Variants in CEACAM19 observed in about 807,000 individuals in gnomAD.
CEACAM19 encodes cell adhesion molecule CEACAM19.
A neutral mutation model predicts 37.6 loss-of-function variants in CEACAM19; 37 were observed. That is an observed-to-expected ratio of 0.98 (90% CI 0.76 to 1.29). The LOEUF is 1.29. CEACAM19 is among the 50% of genes most tolerant of loss of function. The pLI is 0.00. For synonymous variants in CEACAM19, 140 were observed against 149.8 expected, an observed-to-expected ratio of 0.93 and a Z score of 0.48; for missense variants, 340 against 375.6, an observed-to-expected ratio of 0.91 and a Z score of 0.78.
intron 2 of CEACAM19, among the ~76,000 whole-genome samples, chr19:44,674,482 C>T (rs2122130919): frequency 6.6e-6 from 1 of 151,874 alleles, no homozygotes. Context: ...CTCACTGTAA[C>T]CTCCACCTCC....
chr19:44,680,467 G>A, intron 5 of CEACAM19, 133 bp downstream of exon 5: 1 of 783,840 alleles, frequency 1.3e-6, no homozygotes, highest in Admixed American at 2.3e-5. Context: ...CCTCTCTGGG[G>A]CCCCCTGAAC....
chr19:44,668,461 AAT>A (rs1432660737), upstream of CEACAM19, among the ~76,000 whole-genome samples: 1,608 of 65,990 alleles, frequency 0.024, 94 homozygotes, highest in African/African-American at 0.086. Context: ...TATAATATAT[AAT>A]ATATATAATA....
upstream of CEACAM19, among the ~76,000 whole-genome samples, chr19:44,671,134 T>C (rs1973848660): frequency 6.6e-6 from 1 of 152,020 alleles, no homozygotes; most frequent in South Asian, 2.1e-4. Context: ...GCTTTTTTTT[T>C]TTTTTGAGAC....
rs755793782 is a variant in CEACAM19 at position 44,672,871 on chromosome 19, C to T, written c.331C>T (p.Arg111Cys). 9.4e-6 allele frequency: 15 copies of T among 1,592,622 alleles called. No homozygotes were observed. Among genetic ancestry groups the T allele is most frequent in the Middle Eastern group, 1.7e-4 (1 of 5,992 alleles). Residue 111 changes from arginine (R) to cysteine (C), a missense_variant, in exon 2 of 8, where the codon CGC becomes TGC. Arg to Cys is a radical substitution (Grantham distance 180, BLOSUM62 -3). Transcript: ENST00000358777. ...CCCCAATGGTTCCATGCTGCTGCGCCGCGCCCAGCCTACAGACAGTGGCAC... is the reference window on the plus strand; with the variant it reads ...CCCCAATGGTTCCATGCTGCTGCGCTGCGCCCAGCCTACAGACAGTGGCAC... ...GFPNGSMLLR[R>C]AQPTDSGTYQ...
upstream of CEACAM19, among the ~76,000 whole-genome samples, chr19:44,668,466 ATATAATATAAT>A (rs1358797444): frequency 1.5e-5 from 1 of 66,568 alleles, no homozygotes; most frequent in African/African-American, 6.4e-5. Flanking sequence ...TATATAATAT[ATATAATATAAT>A]ATATATATTA....
chr19:44,672,410 G>A (rs533387730), intron 1 of CEACAM19, 186 bp from the exon 2 acceptor site: 3 of 590,934 alleles, frequency 5.1e-6, no homozygotes, highest in Admixed American at 6.8e-5. Flanking sequence ...TGGCAAATCT[G>A]TGGTAACCAT....
At chr19:44,668,456 TATATAATATATATA>T (rs1304972052), upstream of CEACAM19, among the ~76,000 whole-genome samples, 2 of 64,726 alleles carry the variant, frequency 3.1e-5, no homozygotes, top group African/African-American at 6.9e-5. Flanking sequence ...TATTTTATAA[TATATAATATATATA>T]ATATAATATA....
At chr19:44,670,228 C>T (rs181477162), upstream of CEACAM19, among the ~76,000 whole-genome samples, 345 of 150,540 alleles carry the variant, frequency 2.3e-3, 5 homozygotes, top group East Asian at 0.027. Context: ...GAGGCTGAGA[C>T]GGGAGGATTG....
intron 6 of CEACAM19, among the ~76,000 whole-genome samples, chr19:44,682,122 C>T (rs1466579338): frequency 6.6e-6 from 1 of 151,870 alleles, no homozygotes; most frequent in Non-Finnish European, 1.5e-5. Context: ...TGGTGGTGTG[C>T]ACCTATAGTC....
In CEACAM19 at chr19:44,671,838, A is replaced by T; in HGVS notation, c.-94A>T. ...TCTCTAAGGCACCCCTGGGATCCCC[A>T]CTGAGCTGGCCTACTTCAGACAGCC... On this transcript the variant is annotated 5_prime_UTR_variant, in exon 1 of 8. Transcript: ENST00000358777. 8.9e-7 allele frequency: 1 copy of T among 1,125,576 alleles called. No homozygotes were observed. Among genetic ancestry groups the T allele is most frequent in the Non-Finnish European group, 1.3e-6 (1 of 764,468 alleles). 69.7% of individuals were successfully genotyped at this position (1,125,576 alleles called of 1,614,324 possible).
At chr19:44,678,788 T>C in intron 3 of CEACAM19, 65 bp from the exon 4 acceptor site, 1 of 1,583,300 alleles carries the variant, frequency 6.3e-7, no homozygotes, top group South Asian at 1.1e-5. Context: ...GGGAAGGATG[T>C]TGCTCTCTGA....
intron 5 of CEACAM19, 149 bp downstream of exon 5, chr19:44,680,483 C>A: frequency 1.5e-6 from 1 of 667,112 alleles, no homozygotes; most frequent in Non-Finnish European, 2.6e-6. Flanking sequence ...TGAACTCACC[C>A]ACATAATCTG....
chr19:44,668,735 AATATATAATATAATATAATATAAT>A (rs1568513233), upstream of CEACAM19, among the ~76,000 whole-genome samples: 1 of 101,984 alleles, frequency 9.8e-6, no homozygotes, highest in African/African-American at 4.8e-5. Flanking sequence ...ATATAAATAT[AATATATAATATAATATAATATAAT>A]ATATATAATA....
At position 44,680,342 on chromosome 19, in the gene CEACAM19, G is replaced by T; in HGVS notation, c.706+8G>T. 1 of 1,607,554 alleles carries T rather than the reference G, an allele frequency of 6.2e-7. No individual in the cohort carries two copies. The highest frequency in any genetic ancestry group is 1.1e-5 in the South Asian group (1 of 90,858). On this transcript the variant is annotated splice_region_variant and intron_variant, in intron 5 of 7. Transcript: ENST00000358777. ...GCCCTGCTCATGATGCTGGTAAGGC[G>T]GGAGCCCCAGATCTCACTACCTAGC...
In CEACAM19 at chr19:44,673,023, T is replaced by C. The variant is rs1420399464; in HGVS notation, c.424+59T>C. On this transcript the variant is annotated intron_variant, in intron 2 of 7. Coordinates refer to ENST00000358777, the MANE Select transcript of CEACAM19 (RefSeq NM_001127893.3). The stretch of plus-strand genomic sequence containing the variant: ...GCTAATGAGCCCTGAGCAGCTACCA[T>C]GCACCAGGTGCTGTGCAAACACCAT... The C allele has an allele frequency of 8.1e-6, 11 of 1,354,854 alleles. No homozygotes were observed. In the African/African-American group the frequency reaches 1.6e-4, roughly 20 times the overall value. The allele number at this position is 1,354,854 out of a possible 1,614,324, so 83.9% of individuals were successfully genotyped here. A position where few individuals can be genotyped will look rare whatever the true frequency, so the allele number is the denominator to read the frequency against.
upstream of CEACAM19, among the ~76,000 whole-genome samples, chr19:44,671,078 G>A (rs1328803464): frequency 2.0e-5 from 3 of 151,184 alleles, no homozygotes; most frequent in Non-Finnish European, 4.4e-5. Flanking sequence ...CAACAAGAGC[G>A]AAACTCCATC....
intron 7 of CEACAM19, 195 bp from the exon 8 acceptor site, chr19:44,683,242 C>G (rs1218406452): frequency 2.3e-5 from 11 of 472,796 alleles, no homozygotes; most frequent in Non-Finnish European, 1.2e-5. Flanking sequence ...GTCTCTGTCA[C>G]TGTGTCCACC....
chr19:44,676,356 G>T lies in CEACAM19; in HGVS notation c.510G>T (p.Gly170=). The T allele has an allele frequency of 6.2e-7, 1 of 1,614,062 alleles. No homozygotes were observed. Among genetic ancestry groups the T allele is most frequent in the Middle Eastern group, 1.6e-4 (1 of 6,062 alleles). Reference sequence around the variant, plus strand: ...CCATCATTGGATCTCTTGCTGCCGGGGCCCTTCTCATCAGCTGCATTGCCT... The same window carrying T: ...CCATCATTGGATCTCTTGCTGCCGGTGCCCTTCTCATCAGCTGCATTGCCT... ...AATIIGSLAA[G]ALLISCIAYL... is the part of the protein sequence containing the mutation. The change falls in exon 3 of 8, where the codon GGG becomes GGT. Residue 170 remains glycine, a synonymous_variant. Coordinates refer to ENST00000358777, the MANE Select transcript of CEACAM19 (RefSeq NM_001127893.3).
intron 4 of CEACAM19, among the ~76,000 whole-genome samples, chr19:44,679,606 G>A (rs1270651424): frequency 7.2e-5 from 11 of 152,108 alleles, no homozygotes; most frequent in Non-Finnish European, 1.0e-4. Context: ...AAAATTAGCC[G>A]GGCATGGTGG....
Sources: gnomAD v4.1 joint callset for allele counts (sites outside exome capture counted in the v4.1 genomes callset) on GRCh38, gnomAD v4.1.1 for gene constraint, MANE v1.5 for transcripts, NCBI Gene and HGNC (gene_info 2026-07-23, HGNC 2026-07-21) for gene names.